The following ILDR1 variants were observed in gnomAD, a reference collection of about 807,000 sequenced individuals.
The protein encoded by ILDR1 is immunoglobulin like domain containing receptor 1, also known as immunoglobulin-like domain-containing receptor 1.
In ILDR1, 56 loss-of-function variants were observed where a neutral mutation model predicts 62.4. That is an observed-to-expected ratio of 0.90 (90% CI 0.72 to 1.12). The LOEUF (loss-of-function observed/expected upper bound fraction) is 1.12. Among genes scored for constraint, ILDR1 ranks in the 50% most tolerant of loss-of-function variants. The pLI, the probability that ILDR1 is intolerant of heterozygous loss-of-function variation, is 0.00. For synonymous variants in ILDR1, 284 were observed against 277.8 expected (o/e 1.02, Z -0.22); for missense variants, 736 against 710.6 (o/e 1.04, Z -0.41).
At chr3:122,006,951 T>C (rs1233456344) in intron 2 of ILDR1, 40 bp downstream of exon 2, 1 of 1,592,994 alleles carries the variant, frequency 6.3e-7, no homozygotes, top group African/African-American at 1.3e-5. Context: ...CACAGAGGTG[T>C]CTGGGACCCA....
At chr3:122,057,721 A>G in the ILDR1 span, among the ~76,000 whole-genome samples, 1 of 152,200 alleles carries the variant, frequency 6.6e-6, no homozygotes, top group Non-Finnish European at 1.5e-5. Context: ...CTTTGCATTT[A>G]TCTTTCTTCA....
chr3:122,040,835 T>C, the ILDR1 span, among the ~76,000 whole-genome samples: 1 of 151,488 alleles, frequency 6.6e-6, no homozygotes, highest in Non-Finnish European at 1.5e-5. Context: ...AAAATATAGA[T>C]GACCTTGGGT....
At chr3:122,023,940 C>T (rs2071899316), upstream of ILDR1, among the ~76,000 whole-genome samples, 1 of 151,898 alleles carries the variant, frequency 6.6e-6, no homozygotes, top group African/African-American at 2.4e-5. Context: ...GCATAGTTTC[C>T]GGGTTTGTGA....
chr3:122,029,243 A>T, the ILDR1 span, among the ~76,000 whole-genome samples: 5 of 152,268 alleles, frequency 3.3e-5, no homozygotes, highest in East Asian at 5.8e-4. Context: ...GTGGTGGCTC[A>T]TGCCTGTAAT....
At chr3:122,000,366 C>T (rs1235389925) in intron 5 of ILDR1, among the ~76,000 whole-genome samples, 1 of 152,008 alleles carries the variant, frequency 6.6e-6, no homozygotes, top group Non-Finnish European at 1.5e-5. Context: ...ATCAATCATG[C>T]CTATGTAATG....
At chr3:122,021,941 G>T in intron 1 of ILDR1, 79 bp downstream of exon 1, 3 of 1,406,754 alleles carry the variant, frequency 2.1e-6, no homozygotes, top group Admixed American at 1.9e-5. Flanking sequence ...CCCTGCCCGC[G>T]GCCAGCTCTG....
the ILDR1 span, among the ~76,000 whole-genome samples, chr3:122,047,629 T>G: frequency 6.6e-6 from 1 of 152,214 alleles, no homozygotes; most frequent in Non-Finnish European, 1.5e-5. Context: ...CGCCGTTTTT[T>G]AAGCCGGTCT....
At chr3:122,021,974 C>G in intron 1 of ILDR1, 46 bp downstream of exon 1, 2 of 1,566,730 alleles carry the variant, frequency 1.3e-6, no homozygotes, top group Non-Finnish European at 1.7e-6. Flanking sequence ...ACAATGGCTT[C>G]CTGTCTCCTT....
At chr3:122,059,808 G>A in the ILDR1 span, among the ~76,000 whole-genome samples, 2 of 152,120 alleles carry the variant, frequency 1.3e-5, no homozygotes, top group Admixed American at 6.5e-5. Context: ...GGTCATTAGG[G>A]TGGGTCCTAA....
At chr3:121,989,728 C>A (rs920984020) in intron 7 of ILDR1, among the ~76,000 whole-genome samples, 1 of 152,158 alleles carries the variant, frequency 6.6e-6, no homozygotes, top group Non-Finnish European at 1.5e-5. Context: ...TGGCTGGAAT[C>A]CTGGTTCTGA....
chr3:122,051,552 C>T, the ILDR1 span, among the ~76,000 whole-genome samples: 1 of 152,056 alleles, frequency 6.6e-6, no homozygotes, highest in African/African-American at 2.4e-5. Context: ...ACTCATTGAG[C>T]ATCAATATGA....
At chr3:122,046,707 G>T in the ILDR1 span, among the ~76,000 whole-genome samples, 1 of 142,426 alleles carries the variant, frequency 7.0e-6, no homozygotes, top group African/African-American at 2.6e-5. Context: ...CCAGTTGATC[G>T]CATTGGCTCC....
At chr3:122,001,110 G>A (rs529179338) in intron 5 of ILDR1, among the ~76,000 whole-genome samples, 198 bp downstream of exon 5, 51 of 152,314 alleles carry the variant, frequency 3.3e-4, no homozygotes, top group African/African-American at 1.2e-3. Flanking sequence ...GAGTGGACAG[G>A]CAAATGTCCT....
the ILDR1 span, among the ~76,000 whole-genome samples, chr3:122,041,445 G>A: frequency 4.6e-5 from 7 of 152,122 alleles, no homozygotes. Flanking sequence ...CTTGTTATTG[G>A]ACTTCCCAGC....
the ILDR1 span, among the ~76,000 whole-genome samples, chr3:122,058,598 A>C: frequency 1.3e-5 from 2 of 152,176 alleles, no homozygotes; most frequent in Non-Finnish European, 2.9e-5. Context: ...TTTTAAGTAT[A>C]GCTTTGAGAA....
At chr3:122,053,177 C>G in the ILDR1 span, among the ~76,000 whole-genome samples, 3 of 152,288 alleles carry the variant, frequency 2.0e-5, no homozygotes, top group African/African-American at 7.2e-5. Context: ...CTGACGTTCA[C>G]TGTGGTTTTG....
At position 122,007,038 on chromosome 3, in the gene ILDR1, C is replaced by A; in HGVS notation, c.182G>T (p.Arg61Leu). 1 of 1,613,744 alleles carries A rather than the reference C, an allele frequency of 6.2e-7. No individual in the cohort carries two copies. Among genetic ancestry groups the A allele is most frequent in the South Asian group, 1.1e-5 (1 of 91,048 alleles). The change falls in exon 2 of 8, where the codon CGC (arginine) becomes CTC (leucine). Residue 61 changes from arginine to leucine, a missense_variant. By Grantham distance (102) the Arg-to-Leu change is moderately radical. Transcript: ENST00000344209. ...AGGGTCCTTGCAGAAGGACTTGAAG[C>A]GCCATGTCACCACCACGTCCTGGAG... is the stretch of plus-strand genomic sequence containing the variant. Reference protein sequence around the residue: ...AQLQDVVVTWRFKSFCKDPIF... With the variant: ...AQLQDVVVTWLFKSFCKDPIF...
At chr3:122,036,413 C>G in the ILDR1 span, among the ~76,000 whole-genome samples, 1 of 152,032 alleles carries the variant, frequency 6.6e-6, no homozygotes, top group South Asian at 2.1e-4. Flanking sequence ...CACAGAGAAA[C>G]CCCATCTCTA....
chr3:122,041,053 C>G, the ILDR1 span, among the ~76,000 whole-genome samples: 4 of 152,142 alleles, frequency 2.6e-5, no homozygotes, highest in Non-Finnish European at 5.9e-5. Flanking sequence ...TAAAGAACTC[C>G]TAAAACTCAG....
Sources: allele counts gnomAD v4.1 joint callset (sites outside exome capture counted in the v4.1 genomes callset), GRCh38; gene constraint gnomAD v4.1.1; transcripts MANE v1.5; gene names NCBI Gene and HGNC (gene_info 2026-07-23, HGNC 2026-07-21).